ITGAE: variants seen among roughly 807,000 people sequenced by gnomAD.
The protein encoded by ITGAE is integrin alpha-E.
Under a neutral mutation model 136.5 loss-of-function variants are expected in ITGAE, and 99 were observed. The ratio of observed to expected loss-of-function variants is 0.73; its 90% confidence interval spans 0.62 to 0.86. ITGAE has a LOEUF of 0.86. Among genes scored for constraint, ITGAE ranks in the 40% least tolerant of loss-of-function variants. The probability of loss-of-function intolerance (pLI) is 0.00; values close to 1 mark genes in which losing one functional copy is unlikely to be tolerated. For synonymous variants in ITGAE, 613 were observed against 591.8 expected, an observed-to-expected ratio of 1.04 and a Z score of -0.52; for missense variants, 1,447 against 1,515.3, an observed-to-expected ratio of 0.95 and a Z score of 0.75.
rs748814561 is a variant in ITGAE at position 3,750,428 on chromosome 17, C to T, written c.1948G>A (p.Ala650Thr). 2.5e-6 allele frequency: 4 copies of T among 1,614,208 alleles called. No homozygotes were observed. Among genetic ancestry groups the T allele is most frequent in the Middle Eastern group, 1.6e-4 (1 of 6,062 alleles). The change falls in exon 16 of 31, where the codon GCT becomes ACT. Residue 650 changes from alanine to threonine, a missense_variant. Coordinates refer to ENST00000263087, the MANE Select transcript of ITGAE (RefSeq NM_002208.5). Reference sequence around the variant, plus strand: ...TCGCCACTAATATCAAAGCCACCAGCCATGGACATGCCGAAGTACTGGAGT... The same window carrying T: ...TCGCCACTAATATCAAAGCCACCAGTCATGGACATGCCGAAGTACTGGAGT... ...PGLQYFGMSM[A>T]GGFDISGDGL... is the part of the protein sequence containing the mutation.
At chr17:3,748,251 A>G (rs1027717838) in intron 16 of ITGAE, among the ~76,000 whole-genome samples, 199 bp from the exon 17 acceptor site, 1 of 152,188 alleles carries the variant, frequency 6.6e-6, no homozygotes, top group African/African-American at 2.4e-5. Context: ...TAAACGAGAG[A>G]AACAGGGAGA....
intron 2 of ITGAE, among the ~76,000 whole-genome samples, chr17:3,764,274 C>G (rs2052240977): frequency 6.6e-6 from 1 of 152,144 alleles, no homozygotes; most frequent in African/African-American, 2.4e-5. Context: ...AGAAAACCAC[C>G]AGCGTTGGGG....
intron 2 of ITGAE, among the ~76,000 whole-genome samples, chr17:3,766,334 T>G (rs958518674): frequency 3.9e-5 from 6 of 152,006 alleles, no homozygotes; most frequent in African/African-American, 1.4e-4. Flanking sequence ...CGGAGAAAGT[T>G]GTGAAGCTTG....
chr17:3,734,787 A>C (rs1227869557), intron 21 of ITGAE, 30 bp downstream of exon 21: 1 of 1,613,174 alleles, frequency 6.2e-7, no homozygotes, highest in Non-Finnish European at 8.5e-7. Flanking sequence ...GGCGTGAGGG[A>C]CCTGTTTCCA....
At chr17:3,768,679 T>C (rs1027616812) in intron 2 of ITGAE, among the ~76,000 whole-genome samples, 13 of 152,154 alleles carry the variant, frequency 8.5e-5, no homozygotes, top group Admixed American at 5.9e-4. Context: ...ATGCTTTCTC[T>C]ACCCAGCCGT....
rs1354823293 is a variant in ITGAE, at chr17:3,757,817, TG to T, written c.908del (p.Ala303AspfsTer52). On this transcript the variant is annotated frameshift_variant, in exon 9 of 31. Transcript: ENST00000263087. LOFTEE classifies it high-confidence loss of function. The stretch of plus-strand genomic sequence containing the variant: ...CGGTGAGCACCACCATGACCTTGGA[TG>T]CCTTTCTCCTGGAGCCGTGGCTTGA... ...FTSSHGSRRKASKVMVVLTDG... is the reference protein window; with the variant it reads ...FTSSHGSRRKXSKVMVVLTDG... 8 of 1,614,070 alleles carry T rather than the reference TG, an allele frequency of 5.0e-6. No homozygotes were observed. The highest frequency in any genetic ancestry group is 5.9e-6 in the Non-Finnish European group (7 of 1,180,054).
intron 8 of ITGAE, 26 bp downstream of exon 8, chr17:3,759,376 A>G: frequency 6.2e-7 from 1 of 1,606,904 alleles, no homozygotes; most frequent in South Asian, 1.1e-5. Flanking sequence ...CATGGCCAGA[A>G]TAATTCCTGC....
In ITGAE at chr17:3,728,114, G is replaced by GA; in HGVS notation, c.2966dup (p.Leu990ProfsTer74). On this transcript the variant is annotated frameshift_variant, in exon 25 of 31. Coordinates refer to ENST00000263087, the MANE Select transcript of ITGAE (RefSeq NM_002208.5). LOFTEE classifies it high-confidence loss of function. ...AATAATAAGTACTTACATGGAAGAG[G>GA]AATTCTTTGTGGTGAGAAAGCCCCT... 6.2e-7 allele frequency: 1 copy of GA among 1,612,454 alleles called. No homozygotes were observed. Among genetic ancestry groups the GA allele is most frequent in the Non-Finnish European group, 8.5e-7 (1 of 1,178,462 alleles).
Position 3,737,428 on chromosome 17 carries a change from AGGTGGCTGAGTGGTGCC to A in ITGAE, c.2522+2360_2522+2376del, listed in dbSNP as rs375190894. 6.2e-3 allele frequency among the ~76,000 whole-genome samples: 942 copies of A among 152,154 alleles called. 6 individuals carry two copies. Among genetic ancestry groups the A allele is most frequent in the East Asian group, 0.023 (118 of 5,182 alleles). On this transcript the variant is annotated intron_variant, in intron 20 of 30. Transcript: ENST00000263087. ...AGGGCAAGTTCTGAGTTTCTAGCTCAGGTGGCTGAGTGGTGCCGGTGGCTGAGTGGTGCCGGTGGCTG... is the reference window on the plus strand; with the variant it reads ...AGGGCAAGTTCTGAGTTTCTAGCTCAGGTGGCTGAGTGGTGCCGGTGGCTG...
In ITGAE at chr17:3,714,813, C is replaced by CT. The variant is rs1465945515; in HGVS notation, c.*33dup. On this transcript the variant is annotated 3_prime_UTR_variant, in exon 31 of 31. Coordinates refer to ENST00000263087, the MANE Select transcript of ITGAE (RefSeq NM_002208.5). ...GATGCTGGGTCTCCAAGTCCCAGGACTGGCTGATAGCCTCTCCCAGTGGAT... is the reference window on the plus strand; with the variant it reads ...GATGCTGGGTCTCCAAGTCCCAGGACTTGGCTGATAGCCTCTCCCAGTGGAT... 7.9e-7 allele frequency: 1 copy of CT among 1,270,048 alleles called. No homozygotes were observed. The highest frequency in any genetic ancestry group is 1.5e-5 in the African/African-American group (1 of 67,826). 78.7% of individuals were successfully genotyped at this position (1,270,048 alleles called of 1,614,324 possible). A position where few individuals can be genotyped will look rare whatever the true frequency, so the allele number is the denominator to read the frequency against.
In ITGAE at chr17:3,799,680, A is replaced by G. The variant is rs568527793; in HGVS notation, c.34+1431T>C. ...AGCATCTGCTCCAGATATTCTTGGT[A>G]ATGGGAGATCAAAGCCACAAGCCAT... is the stretch of plus-strand genomic sequence containing the variant. On this transcript the variant is annotated intron_variant, in intron 1 of 30. Coordinates refer to ENST00000263087, the MANE Select transcript of ITGAE (RefSeq NM_002208.5). This position sits in a 1 kb window ranked among gnomAD's most constrained non-coding sequence, Gnocchi z 4.1. Among the ~76,000 whole-genome samples, 27 of 152,276 alleles carry G rather than the reference A, an allele frequency of 1.8e-4. No homozygotes were observed. The South Asian group carries it at 4.8e-3, about 27-fold the overall frequency.
At chr17:3,787,266 C>G (rs2052822875) in intron 1 of ITGAE, among the ~76,000 whole-genome samples, 1 of 152,010 alleles carries the variant, frequency 6.6e-6, no homozygotes, top group Admixed American at 6.6e-5. Context: ...CATGTGCCAC[C>G]ACACCCGCCT....
chr17:3,716,617 G>C, intron 30 of ITGAE, 71 bp downstream of exon 30: 1 of 936,694 alleles, frequency 1.1e-6, no homozygotes, highest in Non-Finnish European at 1.7e-6. Context: ...GAGGTTGGCT[G>C]TCCTAAGGAG....
intron 1 of ITGAE, among the ~76,000 whole-genome samples, chr17:3,782,463 G>A (rs1017646731): frequency 6.6e-6 from 1 of 150,622 alleles, no homozygotes; most frequent in African/African-American, 2.4e-5. Flanking sequence ...CGCCTCCCAG[G>A]ATCAAGCGAT....
At position 3,731,107 on chromosome 17, in the gene ITGAE, G is replaced by A. The variant is rs1203943869; in HGVS notation, c.2831C>T (p.Thr944Ile). 4 of 1,612,600 alleles carry A rather than the reference G, an allele frequency of 2.5e-6. No homozygotes were observed. The highest frequency in any genetic ancestry group is 2.2e-5 in the East Asian group (1 of 44,840). Reference protein sequence around the residue: ...NRTADITVTVTNSNERRSLAN... With the variant: ...NRTADITVTVINSNERRSLAN... The stretch of plus-strand genomic sequence containing the variant: ...CTGTGACCCAGGCAGTACTTACTTG[G>A]TGACAGTCACAGTGATGTCTGCTGT... The change falls in exon 23 of 31, where the codon ACC (threonine) becomes ATC (isoleucine). Residue 944 changes from threonine to isoleucine, a missense_variant. By Grantham distance (89) the Thr-to-Ile change is moderately conservative (BLOSUM62 -1). This residue lies in a region of ITGAE where 1,031 missense variants were observed against 1,011.4 expected (regional missense o/e 1.02). Transcript: ENST00000263087.
At chr17:3,782,170 G>A (rs1167556819) in intron 1 of ITGAE, among the ~76,000 whole-genome samples, 2 of 150,652 alleles carry the variant, frequency 1.3e-5, no homozygotes, top group Non-Finnish European at 2.9e-5. Flanking sequence ...AGCTACTCGG[G>A]AGGCTGACAA....
chr17:3,734,369 G>A (rs760957034), intron 21 of ITGAE, among the ~76,000 whole-genome samples: 39 of 152,286 alleles, frequency 2.6e-4, no homozygotes, highest in South Asian at 6.2e-4. Flanking sequence ...CACCGTTCCC[G>A]GCCCAAAGTT....
chr17:3,719,831 G>A (rs1453741403), intron 29 of ITGAE, among the ~76,000 whole-genome samples: 4 of 151,924 alleles, frequency 2.6e-5, no homozygotes, highest in African/African-American at 4.8e-5. Context: ...AGATTCAAGC[G>A]ATTCTCGTGC....
rs371331205 is a variant in ITGAE at position 3,747,906 on chromosome 17, T to C, written c.2155+16A>G. The C allele has an allele frequency of 1.3e-5, 20 of 1,496,750 alleles. No individual in the cohort carries two copies. The African/African-American group carries it at 2.5e-4, about 18-fold the overall frequency. The allele number at this position is 1,496,750 out of a possible 1,614,324, so 92.7% of individuals were successfully genotyped here. A position where few individuals can be genotyped will look rare whatever the true frequency, so the allele number is the denominator to read the frequency against. ...ACCATCACACCAGGCAGGGGTCAGC[T>C]GGACCATTTTTTTACCTGACTCAGA... On this transcript the variant is annotated intron_variant, in intron 17 of 30. Coordinates refer to ENST00000263087, the MANE Select transcript of ITGAE (RefSeq NM_002208.5).
Sources: gnomAD v4.1 joint callset for allele counts (sites outside exome capture counted in the v4.1 genomes callset) on GRCh38, gnomAD v4.1.1 for gene constraint, gnomAD v4.1.1 regional missense constraint, Gnocchi (gnomAD v3.1) non-coding constraint, MANE v1.5 for transcripts, NCBI Gene and HGNC (gene_info 2026-07-23, HGNC 2026-07-21) for gene names.